NKAIN2: variants seen among roughly 807,000 people sequenced by gnomAD.
NKAIN2 encodes the protein sodium/potassium transporting ATPase interacting 2, also known as sodium/potassium-transporting ATPase subunit beta-1-interacting protein 2.
In NKAIN2, 14 loss-of-function variants were observed where a neutral mutation model predicts 32.6. The ratio of observed to expected loss-of-function variants is 0.43; its 90% confidence interval spans 0.28 to 0.67. NKAIN2 has a LOEUF of 0.67. Ranked by LOEUF, NKAIN2 falls within the 30% of genes least tolerant of loss-of-function variation. The pLI, the probability that NKAIN2 is intolerant of heterozygous loss-of-function variation, is 0.17. For synonymous variants in NKAIN2, 80 were observed against 87.2 expected, an observed-to-expected ratio of 0.92 and a Z score of 0.46; for missense variants, 198 against 258.3, an observed-to-expected ratio of 0.77 and a Z score of 1.60.
At chr6:124,028,715 A>G (rs1781236220) in intron 1 of NKAIN2, among the ~76,000 whole-genome samples, 1 of 140,980 alleles carries the variant, frequency 7.1e-6, no homozygotes, top group Non-Finnish European at 1.5e-5. Context: ...GTGTATATAT[A>G]CGTGTATATA....
At chr6:124,803,066 A>G (rs923867620) in intron 5 of NKAIN2, among the ~76,000 whole-genome samples, 2 of 152,150 alleles carry the variant, frequency 1.3e-5, no homozygotes, top group Non-Finnish European at 2.9e-5. Context: ...TGTACTTGCT[A>G]CACTCAGCTG....
chr6:124,238,052 A>G (rs1347706003), intron 1 of NKAIN2, among the ~76,000 whole-genome samples: 1 of 152,150 alleles, frequency 6.6e-6, no homozygotes, highest in Non-Finnish European at 1.5e-5. Flanking sequence ...TGAGAGTTGA[A>G]GCTGTGGAAT....
At chr6:124,657,241 A>G (rs781486) in intron 3 of NKAIN2, among the ~76,000 whole-genome samples, 130,246 of 152,218 alleles carry the variant, frequency 0.86, 55,928 homozygotes, top group Admixed American at 0.9. Flanking sequence ...TCTTGTGGCC[A>G]TAACTATCAC....
At chr6:124,178,361 G>T (rs1022530710) in intron 1 of NKAIN2, among the ~76,000 whole-genome samples, 2 of 150,138 alleles carry the variant, frequency 1.3e-5, no homozygotes, top group Admixed American at 1.3e-4. Flanking sequence ...GCAGTGGCAT[G>T]ATCTAGGCTC....
At chr6:124,508,376 G>C (rs996119203) in intron 3 of NKAIN2, among the ~76,000 whole-genome samples, 1 of 150,378 alleles carries the variant, frequency 6.6e-6, no homozygotes, top group Non-Finnish European at 1.5e-5. Context: ...ATGGAGTCTC[G>C]CTCTGTCACC....
chr6:124,051,662 T>C (rs975017656), intron 1 of NKAIN2, among the ~76,000 whole-genome samples: 4 of 151,966 alleles, frequency 2.6e-5, no homozygotes, highest in Non-Finnish European at 5.9e-5. Flanking sequence ...CATTAAATTA[T>C]CATAGGGAAG....
chr6:124,290,095 T>G (rs1307553343), intron 2 of NKAIN2, among the ~76,000 whole-genome samples: 1 of 152,142 alleles, frequency 6.6e-6, no homozygotes, highest in Non-Finnish European at 1.5e-5. Flanking sequence ...ATTTAGCCTG[T>G]AGTCCTAAAA....
At chr6:124,692,604 C>G (rs183850838) in intron 4 of NKAIN2, among the ~76,000 whole-genome samples, 9 of 152,162 alleles carry the variant, frequency 5.9e-5, no homozygotes, top group Non-Finnish European at 1.2e-4. Flanking sequence ...ATCACCAGGT[C>G]AGGAGATCCA....
intron 3 of NKAIN2, among the ~76,000 whole-genome samples, chr6:124,618,658 A>G (rs1309869516): frequency 6.6e-6 from 1 of 152,214 alleles, no homozygotes; most frequent in Non-Finnish European, 1.5e-5. Flanking sequence ...TAAATTTTGA[A>G]TGGAACAATA....
intron 1 of NKAIN2, among the ~76,000 whole-genome samples, chr6:123,976,280 TTTCCATATATATG>T (rs1562287289): frequency 0.027 from 2,943 of 110,884 alleles, 473 homozygotes; most frequent in African/African-American, 0.077. Context: ...CATATATATG[TTTCCATATATATG>T]TTTCCATATA....
chr6:124,194,219 C>T (rs1033660473), intron 1 of NKAIN2, among the ~76,000 whole-genome samples: 2 of 151,734 alleles, frequency 1.3e-5, no homozygotes, highest in African/African-American at 2.4e-5. Flanking sequence ...GGGCTTCCAC[C>T]CAAGATCTAG....
chr6:123,948,919 AT>A (rs1308720947), intron 1 of NKAIN2, among the ~76,000 whole-genome samples: 1 of 151,796 alleles, frequency 6.6e-6, no homozygotes, highest in African/African-American at 2.4e-5. Flanking sequence ...TCTTTAATTC[AT>A]CTTGAGTTGG....
chr6:124,008,625 G>T (rs1446670627), intron 1 of NKAIN2, among the ~76,000 whole-genome samples: 1 of 152,068 alleles, frequency 6.6e-6, no homozygotes, highest in African/African-American at 2.4e-5. Flanking sequence ...GGCAACAGGT[G>T]TTTGTTTAGA....
chr6:124,229,869 G>A (rs1213006189), intron 1 of NKAIN2, among the ~76,000 whole-genome samples: 1 of 152,094 alleles, frequency 6.6e-6, no homozygotes, highest in African/African-American at 2.4e-5. Flanking sequence ...CCAGTCTCAG[G>A]TATGTCTTTA....
intron 1 of NKAIN2, among the ~76,000 whole-genome samples, chr6:124,149,263 A>G (rs1236356999): frequency 6.6e-6 from 1 of 152,098 alleles, no homozygotes; most frequent in East Asian, 1.9e-4. Flanking sequence ...TTGGCTTTTT[A>G]CTTTCTTGAT....
chr6:123,807,248 C>CT (rs1169362998), intron 1 of NKAIN2, among the ~76,000 whole-genome samples: 5 of 152,042 alleles, frequency 3.3e-5, no homozygotes, highest in Non-Finnish European at 5.9e-5. Context: ...TTATGAAAAA[C>CT]TGTTTCCATA....
At chr6:124,191,458 C>T (rs958156951) in intron 1 of NKAIN2, among the ~76,000 whole-genome samples, 1 of 152,004 alleles carries the variant, frequency 6.6e-6, no homozygotes, top group African/African-American at 2.4e-5. Flanking sequence ...ATATTAGTCA[C>T]ATATTCTGAA....
rs1791058419 is a variant in NKAIN2, at chr6:124,209,397, TGC to T, written c.55-73607_55-73606del. Among the ~76,000 whole-genome samples, 8 of 151,982 alleles carry T rather than the reference TGC, an allele frequency of 5.3e-5. 1 individual carries two copies. The South Asian group carries it at 1.2e-3, about 24-fold the overall frequency. ...TTAAATTGATTCCTATTGTGAATAG[TGC>T]TGCAATACATATGGGAGTGCAGATA... On this transcript the variant is annotated intron_variant, in intron 1 of 6. Coordinates refer to ENST00000368417, the MANE Select transcript of NKAIN2 (RefSeq NM_001040214.3).
intron 1 of NKAIN2, among the ~76,000 whole-genome samples, chr6:124,223,960 T>C (rs1791970316): frequency 1.3e-5 from 2 of 152,176 alleles, no homozygotes; most frequent in African/African-American, 4.8e-5. Flanking sequence ...AGATGGTGCA[T>C]GGACAGGGTG....
Sources: allele counts gnomAD v4.1 joint callset (sites outside exome capture counted in the v4.1 genomes callset), GRCh38; gene constraint gnomAD v4.1.1; transcripts MANE v1.5; gene names NCBI Gene and HGNC (gene_info 2026-07-23, HGNC 2026-07-21).